NETO2: variants seen among roughly 807,000 people sequenced by gnomAD.
NETO2 encodes neuropilin and tolloid-like protein 2.
A neutral mutation model predicts 62.5 loss-of-function variants in NETO2; 28 were observed. That is an observed-to-expected ratio of 0.45 (90% CI 0.33 to 0.61). The LOEUF is 0.61. NETO2 is among the 20% of genes least tolerant of loss of function. The pLI is 0.02. For missense variants in NETO2, 548 were observed against 643.2 expected (o/e 0.85, Z 1.60); for synonymous variants, 214 against 219.1 (o/e 0.98, Z 0.21).
intron 6 of NETO2, among the ~76,000 whole-genome samples, chr16:47,111,160 TGGAA>T (rs1963792885): frequency 1.3e-5 from 2 of 152,224 alleles, no homozygotes; most frequent in African/African-American, 4.8e-5. Context: ...TGTCTTCCAA[TGGAA>T]GGTCACTGGC....
At chr16:47,087,485 C>T (rs1023695381) in intron 7 of NETO2, among the ~76,000 whole-genome samples, 3 of 152,114 alleles carry the variant, frequency 2.0e-5, no homozygotes, top group African/African-American at 7.2e-5. Flanking sequence ...TACAGAGTTT[C>T]AGTTTGGGAA....
intron 6 of NETO2, among the ~76,000 whole-genome samples, chr16:47,122,060 A>G (rs1964049961): frequency 6.6e-6 from 1 of 152,116 alleles, no homozygotes; most frequent in East Asian, 1.9e-4. Flanking sequence ...TTTTTACATA[A>G]TACGCATTAA....
At chr16:47,090,552 G>A (rs1963291151) in intron 7 of NETO2, among the ~76,000 whole-genome samples, 1 of 152,250 alleles carries the variant, frequency 6.6e-6, no homozygotes, top group South Asian at 2.1e-4. Flanking sequence ...TCACTGCTGG[G>A]TCATGGTGTG....
At chr16:47,116,121 G>A (rs548567985) in intron 6 of NETO2, among the ~76,000 whole-genome samples, 3 of 150,614 alleles carry the variant, frequency 2.0e-5, no homozygotes, top group Admixed American at 2.0e-4. Context: ...ACTAAGTATG[G>A]TGTCAGCTGT....
intron 7 of NETO2, among the ~76,000 whole-genome samples, chr16:47,105,970 A>C (rs541922405): frequency 6.6e-6 from 1 of 152,354 alleles, no homozygotes; most frequent in Admixed American, 6.5e-5. Context: ...TCTACACAGC[A>C]GCAGTACTCA....
chr16:47,106,290 A>C (rs1003085778), intron 7 of NETO2, among the ~76,000 whole-genome samples: 4 of 152,204 alleles, frequency 2.6e-5, no homozygotes, highest in Non-Finnish European at 5.9e-5. Flanking sequence ...AGAGGTTACC[A>C]GGGTAGGGAG....
rs527943710 is a variant in NETO2 at position 47,139,323 on chromosome 16, G to T, written c.34+4256C>A. 2.0e-5 allele frequency among the ~76,000 whole-genome samples: 3 copies of T among 152,240 alleles called. No individual in the cohort carries two copies. The East Asian group carries it at 5.8e-4, about 29-fold the overall frequency. On this transcript the variant is annotated intron_variant, in intron 1 of 8. Transcript: ENST00000562435. ...TGTGACCTTGCTTTTTTAAATGCGA[G>T]CACAAATCAGGGGATGGGAAAAGAA... is the stretch of plus-strand genomic sequence containing the variant.
intron 7 of NETO2, among the ~76,000 whole-genome samples, chr16:47,090,674 G>A (rs973951069): frequency 6.6e-6 from 1 of 152,206 alleles, no homozygotes; most frequent in Non-Finnish European, 1.5e-5. Flanking sequence ...CCTGCAGGCA[G>A]TATGTCACCG....
chr16:47,110,122 CTG>C (rs954352799), intron 6 of NETO2, among the ~76,000 whole-genome samples: 6 of 152,080 alleles, frequency 3.9e-5, no homozygotes, highest in Admixed American at 2.0e-4. Context: ...TTAAAAAAAC[CTG>C]TGTTTAATTG....
chr16:47,094,263 AT>A (rs35543379), intron 7 of NETO2, among the ~76,000 whole-genome samples: 158 of 137,738 alleles, frequency 1.1e-3, no homozygotes, highest in South Asian at 0.01. Context: ...TATCACTTGG[AT>A]TTTTTTTTTT....
chr16:47,142,197 A>T (rs1567403949), intron 1 of NETO2, among the ~76,000 whole-genome samples: 1 of 152,212 alleles, frequency 6.6e-6, no homozygotes, highest in Non-Finnish European at 1.5e-5. Flanking sequence ...TAGGAGTTAG[A>T]GATATGAAAG....
chr16:47,085,373 C>T (rs1255700939), intron 8 of NETO2, among the ~76,000 whole-genome samples: 2 of 151,736 alleles, frequency 1.3e-5, no homozygotes, highest in East Asian at 3.9e-4. Flanking sequence ...AGGCATACCA[C>T]GATATACTTT....
chr16:47,110,140 T>C (rs2143902807), intron 6 of NETO2, among the ~76,000 whole-genome samples: 1 of 152,380 alleles, frequency 6.6e-6, no homozygotes, highest in East Asian at 1.9e-4. Flanking sequence ...AATTGTAAGA[T>C]ATACACATCC....
At chr16:47,093,328 A>G (rs1963353162) in intron 7 of NETO2, among the ~76,000 whole-genome samples, 1 of 151,696 alleles carries the variant, frequency 6.6e-6, no homozygotes. Context: ...AAATATATCT[A>G]CTCTCAAGGA....
chr16:47,138,751 C>G (rs1964406338), intron 1 of NETO2, among the ~76,000 whole-genome samples: 1 of 152,218 alleles, frequency 6.6e-6, no homozygotes, highest in African/African-American at 2.4e-5. Flanking sequence ...TTAAAATCTT[C>G]CAGTAGAGTC....
intron 7 of NETO2, among the ~76,000 whole-genome samples, chr16:47,107,934 C>T (rs1963708086): frequency 1.3e-5 from 2 of 152,106 alleles, no homozygotes; most frequent in South Asian, 4.2e-4. Flanking sequence ...TGCCACCATG[C>T]CCAGCTAATT....
At chr16:47,093,162 A>C (rs1318517917) in intron 7 of NETO2, among the ~76,000 whole-genome samples, 4 of 152,130 alleles carry the variant, frequency 2.6e-5, no homozygotes, top group Non-Finnish European at 5.9e-5. Context: ...GATTTTTTTC[A>C]AAGGGCTTCA....
chr16:47,102,390 A>C (rs1963569763), intron 7 of NETO2, among the ~76,000 whole-genome samples: 1 of 152,202 alleles, frequency 6.6e-6, no homozygotes, highest in Admixed American at 6.5e-5. Context: ...CAAAGACTTC[A>C]TGACTAAAAC....
At chr16:47,143,094 T>A (rs966090933) in intron 1 of NETO2, among the ~76,000 whole-genome samples, 2 of 151,940 alleles carry the variant, frequency 1.3e-5, no homozygotes, top group Admixed American at 1.3e-4. Flanking sequence ...CGCCGCGAGG[T>A]GCAGGCGCCG....
Sources: gnomAD v4.1 joint callset for allele counts (sites outside exome capture counted in the v4.1 genomes callset) on GRCh38, gnomAD v4.1.1 for gene constraint, MANE v1.5 for transcripts, NCBI Gene and HGNC (gene_info 2026-07-23, HGNC 2026-07-21) for gene names.